LHFPL3: variants seen among roughly 807,000 people sequenced by gnomAD.
The protein encoded by LHFPL3 is LHFPL tetraspan subfamily member 3.
In LHFPL3, 5 loss-of-function variants were observed where a neutral mutation model predicts 19.3. The observed-to-expected ratio is 0.26, with a 90% CI of 0.14 to 0.54. The LOEUF (loss-of-function observed/expected upper bound fraction) is 0.54. Ranked by LOEUF, LHFPL3 falls within the 20% of genes least tolerant of loss-of-function variation. LHFPL3 has a pLI of 0.94. For synonymous variants in LHFPL3, 133 were observed against 126.2 expected (o/e 1.05, Z -0.36); for missense variants, 249 against 307.4 (o/e 0.81, Z 1.42).
chr7:104,570,240 T>C (rs975084388), intron 1 of LHFPL3, among the ~76,000 whole-genome samples: 1 of 152,226 alleles, frequency 6.6e-6, no homozygotes, highest in East Asian at 1.9e-4. Flanking sequence ...CTGCTCTTGT[T>C]TGCCCTGGCA....
chr7:104,849,289 G>C (rs1317658155), intron 2 of LHFPL3, among the ~76,000 whole-genome samples: 1 of 152,224 alleles, frequency 6.6e-6, no homozygotes, highest in Non-Finnish European at 1.5e-5. Context: ...ACTACTAGAA[G>C]CTCTAGATTT....
chr7:104,698,673 T>A (rs1337086147), intron 1 of LHFPL3, among the ~76,000 whole-genome samples: 3 of 152,212 alleles, frequency 2.0e-5, no homozygotes, highest in African/African-American at 7.2e-5. Context: ...AAGGTATCTT[T>A]TAATAGGTGA....
intron 1 of LHFPL3, among the ~76,000 whole-genome samples, chr7:104,477,947 G>T (rs1188367893): frequency 6.6e-6 from 1 of 152,088 alleles, no homozygotes; most frequent in African/African-American, 2.4e-5. Context: ...AAGCACTAGG[G>T]GTTAGTCCAT....
chr7:104,632,914 CA>C (rs1791669146), intron 1 of LHFPL3, among the ~76,000 whole-genome samples: 2 of 152,330 alleles, frequency 1.3e-5, no homozygotes, highest in South Asian at 4.1e-4. Context: ...CTTGGTCTCC[CA>C]AAGTGCTAGA....
At chr7:104,595,119 A>C (rs992465287) in intron 1 of LHFPL3, among the ~76,000 whole-genome samples, 1 of 152,200 alleles carries the variant, frequency 6.6e-6, no homozygotes, top group South Asian at 2.1e-4. Context: ...GAGAAGAGGC[A>C]CTCTGATTTT....
chr7:104,844,600 C>A (rs561993277), intron 2 of LHFPL3, among the ~76,000 whole-genome samples: 2 of 152,300 alleles, frequency 1.3e-5, no homozygotes, highest in South Asian at 2.1e-4. Context: ...ACTTTCACTT[C>A]TTTTTCCTCT....
At chr7:104,477,635 A>G (rs150672530) in intron 1 of LHFPL3, among the ~76,000 whole-genome samples, 50 of 152,278 alleles carry the variant, frequency 3.3e-4, no homozygotes, top group Middle Eastern at 3.4e-3. Flanking sequence ...TCAGGAAAAA[A>G]TAACTATTGG....
At chr7:104,861,471 C>A (rs1398619465) in intron 2 of LHFPL3, among the ~76,000 whole-genome samples, 1 of 152,164 alleles carries the variant, frequency 6.6e-6, no homozygotes, top group African/African-American at 2.4e-5. Context: ...TTGGGAGAAG[C>A]AGCTATTTCC....
intron 1 of LHFPL3, among the ~76,000 whole-genome samples, chr7:104,670,031 A>G (rs1251377853): frequency 6.6e-6 from 1 of 152,104 alleles, no homozygotes; most frequent in African/African-American, 2.4e-5. Context: ...TAAATTTTCC[A>G]TTCTTGGAAA....
At chr7:104,883,808 T>C (rs147159194) in intron 2 of LHFPL3, among the ~76,000 whole-genome samples, 44 of 152,326 alleles carry the variant, frequency 2.9e-4, no homozygotes, top group African/African-American at 1.0e-3. Flanking sequence ...AGTTCATTGC[T>C]TGTTCTTGCC....
At chr7:104,844,574 T>G (rs1427904971) in intron 2 of LHFPL3, among the ~76,000 whole-genome samples, 1 of 152,172 alleles carries the variant, frequency 6.6e-6, no homozygotes, top group Non-Finnish European at 1.5e-5. Context: ...CATCTAAAAT[T>G]CTCTCTAAGT....
intron 1 of LHFPL3, among the ~76,000 whole-genome samples, chr7:104,527,075 G>A (rs1794203062): frequency 6.6e-6 from 1 of 152,192 alleles, no homozygotes; most frequent in Non-Finnish European, 1.5e-5. Context: ...GAGCCACACA[G>A]AGGTCTGGAG....
intron 2 of LHFPL3, among the ~76,000 whole-genome samples, chr7:104,755,856 C>T (rs183847489): frequency 2.2e-4 from 33 of 152,188 alleles, no homozygotes; most frequent in African/African-American, 6.7e-4. Flanking sequence ...CCACCACGCC[C>T]GGTTAATTTT....
chr7:104,504,509 T>C (rs1234659765), intron 1 of LHFPL3, among the ~76,000 whole-genome samples: 1 of 152,230 alleles, frequency 6.6e-6, no homozygotes, highest in Non-Finnish European at 1.5e-5. Flanking sequence ...CAATGTTATT[T>C]TGAATTCAGC....
chr7:104,794,927 C>A (rs1350597990), intron 2 of LHFPL3, among the ~76,000 whole-genome samples: 1 of 152,168 alleles, frequency 6.6e-6, no homozygotes, highest in East Asian at 1.9e-4. Flanking sequence ...ACAACTTGAG[C>A]CTCTTGGAAG....
chr7:104,474,687 C>CAAAAAAAAAAAAAAAAA (rs928431129), intron 1 of LHFPL3, among the ~76,000 whole-genome samples: 2 of 41,048 alleles, frequency 4.9e-5, no homozygotes, highest in Non-Finnish European at 1.1e-4. Flanking sequence ...ACAACAACAA[C>CAAAAAAAAAAAAAAAAA]AAAAAAAAAA....
At chr7:104,366,835 A>C (rs1790504685) in intron 1 of LHFPL3, among the ~76,000 whole-genome samples, 1 of 152,208 alleles carries the variant, frequency 6.6e-6, no homozygotes, top group Non-Finnish European at 1.5e-5. Flanking sequence ...GAACCTAGGT[A>C]ACTTGTATTA....
intron 1 of LHFPL3, among the ~76,000 whole-genome samples, chr7:104,620,664 T>C (rs928757420): frequency 5.3e-5 from 8 of 152,106 alleles, no homozygotes; most frequent in Admixed American, 3.3e-4. Context: ...GTAGCACTTT[T>C]CCCCCCAGTG....
chr7:104,413,330 A>C (rs984248144), intron 1 of LHFPL3, among the ~76,000 whole-genome samples: 1 of 152,138 alleles, frequency 6.6e-6, no homozygotes, highest in African/African-American at 2.4e-5. Context: ...AGTTGTTCCT[A>C]TTCCCCCAGG....
Sources: allele counts gnomAD v4.1 joint callset (sites outside exome capture counted in the v4.1 genomes callset), GRCh38; gene constraint gnomAD v4.1.1; transcripts MANE v1.5; gene names NCBI Gene and HGNC (gene_info 2026-07-23, HGNC 2026-07-21).